Variants in ZNF536 observed in about 807,000 individuals in gnomAD.
The protein encoded by ZNF536 is zinc finger protein 536.
ZNF536 carries 13 observed loss-of-function variants against 84.5 expected under a neutral mutation model. The observed-to-expected ratio is 0.15, with a 90% CI of 0.10 to 0.24. ZNF536 has a LOEUF of 0.24. Among genes scored for constraint, ZNF536 ranks in the 10% least tolerant of loss-of-function variants. The pLI is 1.00. For synonymous variants in ZNF536, 811 were observed against 742.5 expected (o/e 1.09, Z -1.50); for missense variants, 1,536 against 1,747.5 (o/e 0.88, Z 2.16).
At chr19:30,563,166 G>A (rs187037227) in intron 1 of ZNF536, among the ~76,000 whole-genome samples, 2,967 of 152,202 alleles carry the variant, frequency 0.019, 36 homozygotes, top group Middle Eastern at 0.031. Flanking sequence ...AGTGGCTGGA[G>A]AATCTGGGCA....
At chr19:30,517,712 G>T (rs1217203181) in intron 2 of ZNF536, among the ~76,000 whole-genome samples, 1 of 152,112 alleles carries the variant, frequency 6.6e-6, no homozygotes, top group Non-Finnish European at 1.5e-5. Flanking sequence ...AGCCCAGGAG[G>T]TCGAGGCTGC....
intron 1 of ZNF536, among the ~76,000 whole-genome samples, chr19:30,382,051 A>G (rs1317218722): frequency 7.2e-5 from 11 of 152,300 alleles, no homozygotes; most frequent in Non-Finnish European, 1.5e-5. Flanking sequence ...CATGTGAGAC[A>G]TTTTGGGTAA....
rs2148191533 is a variant in ZNF536, at chr19:30,444,632, C to T, written c.1070C>T (p.Ala357Val). The T allele has an allele frequency of 6.2e-7, 1 of 1,613,932 alleles. No homozygotes were observed. The highest frequency in any genetic ancestry group is 8.5e-7 in the Non-Finnish European group (1 of 1,180,050). Residue 357 changes from alanine to valine, a missense_variant, in exon 2 of 5, where the codon GCG becomes GTG. Coordinates refer to ENST00000355537, the MANE Select transcript of ZNF536 (RefSeq NM_014717.3). The part of the protein sequence containing the change: ...CEVCGQVFSQ[A>V]WFLKGHMRKH... ...GTGTGCGGTCAGGTGTTCAGCCAGG[C>T]GTGGTTCCTCAAGGGTCACATGCGC...
At chr19:30,455,261 T>C (rs918126217) in intron 2 of ZNF536, among the ~76,000 whole-genome samples, 1 of 152,240 alleles carries the variant, frequency 6.6e-6, no homozygotes, top group Non-Finnish European at 1.5e-5. Flanking sequence ...GAATAATCAC[T>C]GTGAACACTT....
intron 1 of ZNF536, among the ~76,000 whole-genome samples, chr19:30,644,576 C>T (rs2049394656): frequency 6.6e-6 from 1 of 152,064 alleles, no homozygotes; most frequent in African/African-American, 2.4e-5. Context: ...TCCATGTGTT[C>T]TCATTGTTCA....
chr19:30,293,631 C>T (rs907899534), intron 2 of ZNF536, among the ~76,000 whole-genome samples: 1 of 152,204 alleles, frequency 6.6e-6, no homozygotes, highest in Non-Finnish European at 1.5e-5. Flanking sequence ...TTAGGCCTGG[C>T]AGAGCTGGAC....
intron 1 of ZNF536, among the ~76,000 whole-genome samples, chr19:30,254,835 C>T (rs566826072): frequency 1.3e-5 from 2 of 152,238 alleles, no homozygotes; most frequent in East Asian, 1.9e-4. Context: ...TCAGCTGAGC[C>T]GAAAGCCTGA....
intron 1 of ZNF536, among the ~76,000 whole-genome samples, chr19:30,232,978 G>A (rs371308392): frequency 6.6e-6 from 1 of 152,196 alleles, no homozygotes; most frequent in African/African-American, 2.4e-5. Flanking sequence ...GCCTCTTCAG[G>A]GGGGTGGAAG....
intron 1 of ZNF536, among the ~76,000 whole-genome samples, chr19:30,681,590 C>T (rs1430529274): frequency 6.6e-6 from 1 of 152,214 alleles, no homozygotes; most frequent in Non-Finnish European, 1.5e-5. Context: ...AAGGGCCCCT[C>T]CTCCTAGCAC....
At chr19:30,601,052 A>G (rs1242160469) in intron 1 of ZNF536, among the ~76,000 whole-genome samples, 1 of 152,230 alleles carries the variant, frequency 6.6e-6, no homozygotes, top group Admixed American at 6.5e-5. Context: ...GGTTAGTGCT[A>G]AGCCAGAAGT....
chr19:30,604,544 A>G (rs1177480369), intron 1 of ZNF536, among the ~76,000 whole-genome samples: 1 of 152,210 alleles, frequency 6.6e-6, no homozygotes, highest in Non-Finnish European at 1.5e-5. Context: ...GTGGAGTGCT[A>G]TTAGCTTCAC....
chr19:30,635,842 A>G (rs1329985892), intron 1 of ZNF536, among the ~76,000 whole-genome samples: 1 of 152,164 alleles, frequency 6.6e-6, no homozygotes, highest in Non-Finnish European at 1.5e-5. Context: ...ACAGCAGGAC[A>G]CTGCGGAGAG....
intron 1 of ZNF536, among the ~76,000 whole-genome samples, chr19:30,609,593 A>C (rs2048015992): frequency 6.6e-6 from 1 of 152,260 alleles, no homozygotes; most frequent in South Asian, 2.1e-4. Flanking sequence ...TTTTGAAATA[A>C]TTAAGAGGTT....
At chr19:30,629,311 T>C (rs912108067) in intron 1 of ZNF536, among the ~76,000 whole-genome samples, 1 of 152,160 alleles carries the variant, frequency 6.6e-6, no homozygotes, top group Non-Finnish European at 1.5e-5. Context: ...GTAATCCTCT[T>C]ACCTCAGACT....
intron 1 of ZNF536, among the ~76,000 whole-genome samples, chr19:30,432,258 G>A (rs189549277): frequency 5.3e-5 from 8 of 152,220 alleles, no homozygotes; most frequent in South Asian, 2.1e-4. Flanking sequence ...ATGTGACACC[G>A]TGGGCAACGT....
At chr19:30,639,062 G>A (rs2049173450) in intron 1 of ZNF536, among the ~76,000 whole-genome samples, 1 of 152,036 alleles carries the variant, frequency 6.6e-6, no homozygotes, top group Non-Finnish European at 1.5e-5. Flanking sequence ...ATCTTTGGTA[G>A]GCCTGATTAC....
chr19:30,416,912 C>T (rs1439614367), intron 1 of ZNF536, among the ~76,000 whole-genome samples: 2 of 151,984 alleles, frequency 1.3e-5, no homozygotes. Context: ...AAGTTCTTTC[C>T]CCACAGTGTA....
In ZNF536 at chr19:30,577,767, G is replaced by A. The variant is rs138848473; in HGVS notation, c.169+28253G>A. Among the ~76,000 whole-genome samples the A allele has an allele frequency of 9.6e-4, 146 of 152,274 alleles. 1 individual carries two copies. The highest frequency in any genetic ancestry group is 3.5e-3 in the African/African-American group (145 of 41,546). Reference sequence around the variant, plus strand: ...CAAAGTGACCTTTGAATCGCCAGTGGACTCATAAAGTACAATAAGCACCAT... The same window carrying A: ...CAAAGTGACCTTTGAATCGCCAGTGAACTCATAAAGTACAATAAGCACCAT... On this transcript the variant is annotated intron_variant, in intron 1 of 1. Transcript: ENST00000592773.
intron 1 of ZNF536, among the ~76,000 whole-genome samples, chr19:30,578,951 G>T (rs970510220): frequency 3.3e-5 from 5 of 152,204 alleles, no homozygotes; most frequent in Admixed American, 6.5e-5. Flanking sequence ...ACTGCTGGAG[G>T]CTGTGACCTT....
Sources: allele counts gnomAD v4.1 joint callset (sites outside exome capture counted in the v4.1 genomes callset), GRCh38; gene constraint gnomAD v4.1.1; transcripts MANE v1.5; gene names NCBI Gene and HGNC (gene_info 2026-07-23, HGNC 2026-07-21).